The following DYM variants were observed in gnomAD, a reference collection of about 807,000 sequenced individuals.
The protein encoded by DYM is dymeclin.
In DYM, 78 loss-of-function variants were observed where a neutral mutation model predicts 93.1. The ratio of observed to expected loss-of-function variants is 0.84; its 90% CI spans 0.70 to 1.01. DYM has a LOEUF of 1.01. Among genes scored for constraint, DYM ranks in the 50% least tolerant of loss-of-function variants. The pLI is 0.00. For synonymous variants in DYM, 321 were observed against 319.7 expected (o/e 1.00, Z -0.04); for missense variants, 789 against 845.0 (o/e 0.93, Z 0.82).
chr18:49,140,224 C>T (rs982676400), intron 15 of DYM, among the ~76,000 whole-genome samples: 1 of 152,096 alleles, frequency 6.6e-6, no homozygotes, highest in Non-Finnish European at 1.5e-5. Context: ...ACACAGTTGT[C>T]ATCCTTTGCC....
chr18:49,087,041 C>T (rs2078605143), intron 17 of DYM, among the ~76,000 whole-genome samples: 1 of 151,868 alleles, frequency 6.6e-6, no homozygotes, highest in African/African-American at 2.4e-5. Context: ...CCAGAAAGCT[C>T]CCTTACCCCT....
chr18:49,216,825 G>C (rs1195083532), intron 13 of DYM, among the ~76,000 whole-genome samples: 1 of 152,130 alleles, frequency 6.6e-6, no homozygotes, highest in Non-Finnish European at 1.5e-5. Flanking sequence ...AAAAAAACTG[G>C]AAACTCTAAA....
rs138815513 is a variant in DYM at position 49,164,789 on chromosome 18, T to C, written c.1626-1002A>G. The stretch of plus-strand genomic sequence containing the variant: ...GCTCCAACCAGCCAGAAGATAAAAA[T>C]CAATGAACATGAACATTTAGTTGAA... On this transcript the variant is annotated intron_variant, in intron 14 of 17. Coordinates refer to ENST00000675505, the MANE Select transcript of DYM (RefSeq NM_001353214.3). Among the ~76,000 whole-genome samples, 47 of 152,242 alleles carry C rather than the reference T, an allele frequency of 3.1e-4. 1 individual carries two copies. In the East Asian group the frequency reaches 7.4e-3, roughly 24 times the overall value.
chr18:49,357,775 A>C (rs2065689596), intron 6 of DYM, among the ~76,000 whole-genome samples: 1 of 152,180 alleles, frequency 6.6e-6, no homozygotes, highest in South Asian at 2.1e-4. Flanking sequence ...CCTTGTTTTC[A>C]TGGAGGTTTC....
At chr18:49,216,131 ACG>A (rs977912308) in intron 13 of DYM, among the ~76,000 whole-genome samples, 2 of 152,228 alleles carry the variant, frequency 1.3e-5, no homozygotes, top group African/African-American at 4.8e-5. Flanking sequence ...TCCTACACCC[ACG>A]GAGTCTCACT....
chr18:49,341,440 T>A lies in DYM; in HGVS notation c.495-7587A>T, dbSNP rs150776488. Among the ~76,000 whole-genome samples, 764 of 130,926 alleles carry A rather than the reference T, an allele frequency of 5.8e-3. 12 individuals are homozygous for A. The highest frequency in any genetic ancestry group is 0.022 in the African/African-American group (738 of 33,404). The allele number at this position is 130,926 out of a possible 152,430, so 85.9% of individuals were successfully genotyped here. On this transcript the variant is annotated intron_variant, in intron 6 of 17. Transcript: ENST00000675505. ...CTGGGAGGTGGAGGTTGCAGTAAGC[T>A]GAGATCGCACCACTGCATTCTAGCC...
rs1439287232 is a variant in DYM at position 49,441,305 on chromosome 18, A to AT, written c.-53-10859dup. Among the ~76,000 whole-genome samples, 187 of 44,912 alleles carry AT rather than the reference A, an allele frequency of 4.2e-3. 13 individuals are homozygous for AT. Among genetic ancestry groups the AT allele is most frequent in the African/African-American group, 0.018 (152 of 8,534 alleles). 29.5% of individuals were successfully genotyped at this position (44,912 alleles called of 152,430 possible). ...ATAATTATATATAATATAATTATAT[A>AT]TAATTAATATATAATTATATATAAT... On this transcript the variant is annotated intron_variant, in intron 1 of 17. Coordinates refer to ENST00000675505, the MANE Select transcript of DYM (RefSeq NM_001353214.3).
chr18:49,130,221 A>G (rs1465692360), intron 15 of DYM, among the ~76,000 whole-genome samples: 1 of 152,160 alleles, frequency 6.6e-6, no homozygotes, highest in Non-Finnish European at 1.5e-5. Flanking sequence ...GTAAAGAAAC[A>G]CTGAAAAAAG....
intron 8 of DYM, among the ~76,000 whole-genome samples, chr18:49,306,213 G>C (rs368309653): frequency 6.6e-6 from 1 of 152,146 alleles, no homozygotes; most frequent in East Asian, 1.9e-4. Flanking sequence ...TAAGAAGAAA[G>C]GTGAATAGCA....
intron 15 of DYM, among the ~76,000 whole-genome samples, chr18:49,134,038 G>A (rs949953227): frequency 1.3e-5 from 2 of 152,104 alleles, no homozygotes; most frequent in African/African-American, 4.8e-5. Flanking sequence ...ACTTTGAAAT[G>A]CATAAAACAG....
intron 13 of DYM, among the ~76,000 whole-genome samples, chr18:49,235,384 C>G (rs1375822020): frequency 6.6e-6 from 1 of 152,048 alleles, no homozygotes; most frequent in Admixed American, 6.6e-5. Context: ...GAAATCCTTT[C>G]AACACATAGC....
At chr18:49,314,108 T>C (rs1229612652) in intron 8 of DYM, among the ~76,000 whole-genome samples, 1 of 152,196 alleles carries the variant, frequency 6.6e-6, no homozygotes, top group Non-Finnish European at 1.5e-5. Context: ...TCAAATATTA[T>C]TTTACAAGTT....
chr18:49,447,466 G>A (rs1390381177), intron 1 of DYM: 1 of 152,224 alleles, frequency 6.6e-6, no homozygotes, highest in East Asian at 1.9e-4. Flanking sequence ...GGATACCAAG[G>A]TACAACATTC....
At chr18:49,187,639 A>G (rs1042329489) in intron 14 of DYM, among the ~76,000 whole-genome samples, 1 of 152,224 alleles carries the variant, frequency 6.6e-6, no homozygotes. Context: ...TATATCTAAA[A>G]ATAACAGAAT....
chr18:49,378,764 T>C, intron 4 of DYM, 64 bp from the exon 5 acceptor site: 1 of 1,559,232 alleles, frequency 6.4e-7, no homozygotes, highest in African/African-American at 1.4e-5. Context: ...TTATTTCTAG[T>C]TCATGATTTC....
intron 11 of DYM, among the ~76,000 whole-genome samples, chr18:49,265,541 G>A (rs2094555356): frequency 3.3e-5 from 5 of 152,280 alleles, no homozygotes; most frequent in South Asian, 4.1e-4. Flanking sequence ...CACTTTGGGA[G>A]GCTGAGGCCA....
At chr18:49,208,885 TG>T (rs1186986637) in intron 14 of DYM, 2 of 152,158 alleles carry the variant, frequency 1.3e-5, no homozygotes, top group African/African-American at 4.8e-5. Flanking sequence ...CCCTCTATTT[TG>T]GTGCACGATA....
At chr18:49,379,505 T>C (rs1292124926) in intron 4 of DYM, among the ~76,000 whole-genome samples, 160 bp downstream of exon 4, 2 of 152,176 alleles carry the variant, frequency 1.3e-5, no homozygotes, top group Non-Finnish European at 2.9e-5. Flanking sequence ...CCCAGTGACT[T>C]AGACACTAAC....
intron 4 of DYM, 26 bp downstream of exon 4, chr18:49,379,639 A>C (rs761436252): frequency 1.3e-6 from 2 of 1,556,766 alleles, no homozygotes. Flanking sequence ...AATATAAAGC[A>C]AACATGGTTT....
Sources: gnomAD v4.1 joint callset for allele counts (sites outside exome capture counted in the v4.1 genomes callset) on GRCh38, gnomAD v4.1.1 for gene constraint, MANE v1.5 for transcripts, NCBI Gene and HGNC (gene_info 2026-07-23, HGNC 2026-07-21) for gene names.